COL18A1: variants seen among roughly 807,000 people sequenced by gnomAD.
The protein encoded by COL18A1 is collagen type XVIII alpha 1 chain.
In COL18A1, 133 loss-of-function variants were observed where a neutral mutation model predicts 168.0. The ratio of observed to expected loss-of-function variants is 0.79; its 90% CI spans 0.69 to 0.91. The LOEUF is 0.91. COL18A1 is among the 40% of genes least tolerant of loss of function. COL18A1 has a pLI of 0.00. For synonymous variants in COL18A1, 949 were observed against 809.0 expected (o/e 1.17, Z -2.94); for missense variants, 2,126 against 1,925.4 (o/e 1.10, Z -1.95).
At chr21:45,448,497 A>C (rs549555209) in intron 2 of COL18A1, among the ~76,000 whole-genome samples, 1 of 152,360 alleles carries the variant, frequency 6.6e-6, no homozygotes, top group South Asian at 2.1e-4. Flanking sequence ...CCATGCATGC[A>C]TGTATCCATA....
chr21:45,431,073 CTGGTTT>C (rs150956067), intron 2 of COL18A1, among the ~76,000 whole-genome samples: 14,019 of 152,186 alleles, frequency 0.092, 818 homozygotes, highest in East Asian at 0.23. Flanking sequence ...GGTTTGTTTG[CTGGTTT>C]GAGGCTGGGG....
chr21:45,478,260 T>C lies in COL18A1; in HGVS notation c.1222-67T>C, dbSNP rs2236464. 348,885 of 1,601,622 alleles carry C rather than the reference T, an allele frequency of 0.22. 38,755 individuals carry two copies. The highest frequency in any genetic ancestry group is 0.27 in the South Asian group (24,128 of 90,846). On this transcript the variant is annotated intron_variant, in intron 8 of 41. Coordinates refer to ENST00000651438, the MANE Select transcript of COL18A1 (RefSeq NM_001379500.1). ...ACTTGGAGCGTGGGGTGCATTTCCA[T>C]GTAGACACTGTAGGTGGCGCCGGAG...
chr21:45,492,801 T>C, intron 24 of COL18A1, 88 bp downstream of exon 24: 1 of 1,064,878 alleles, frequency 9.4e-7, no homozygotes, highest in Non-Finnish European at 1.4e-6. Context: ...CGAGCTGGGG[T>C]GGGCCTTGTC....
At chr21:45,497,465 C>G (rs2036581501) in intron 31 of COL18A1, 134 bp from the exon 32 acceptor site, 1 of 1,260,798 alleles carries the variant, frequency 7.9e-7, no homozygotes, top group Admixed American at 2.0e-5. Context: ...AGCTCCTACC[C>G]TGACTGTCCC....
chr21:45,490,234 C>T (rs778623869), intron 19 of COL18A1, 41 bp from the exon 20 acceptor site: 50 of 1,519,012 alleles, frequency 3.3e-5, no homozygotes, highest in Middle Eastern at 1.9e-4. Flanking sequence ...CATTCCTGGG[C>T]GTGTGGCCAA....
intron 2 of COL18A1, chr21:45,420,645 T>TC (rs942565142): frequency 1.3e-5 from 2 of 152,344 alleles, no homozygotes; most frequent in Non-Finnish European, 2.9e-5. Flanking sequence ...TGGCATTTTT[T>TC]CCTGGGCCTG....
At chr21:45,461,621 T>C (rs2035053144) in intron 2 of COL18A1, among the ~76,000 whole-genome samples, 2 of 152,316 alleles carry the variant, frequency 1.3e-5, no homozygotes, top group Non-Finnish European at 1.5e-5. Context: ...TAGCCACATC[T>C]GTGGCACACA....
At chr21:45,442,591 G>A (rs1342042092) in intron 2 of COL18A1, among the ~76,000 whole-genome samples, 1 of 152,244 alleles carries the variant, frequency 6.6e-6, no homozygotes, top group African/African-American at 2.4e-5. Context: ...CCTGGTGTGG[G>A]CGGTGGTGCT....
At chr21:45,481,850 C>T (rs775372514) in intron 13 of COL18A1, 113 bp from the exon 14 acceptor site, 79 of 780,796 alleles carry the variant, frequency 1.0e-4, no homozygotes, top group Non-Finnish European at 1.1e-4. Flanking sequence ...GTCTGGGGAA[C>T]GTTCTGTGTC....
chr21:45,505,017 G>C (rs9980752), intron 34 of COL18A1, 117 bp from the exon 35 acceptor site: 12 of 1,320,468 alleles, frequency 9.1e-6, no homozygotes, highest in East Asian at 2.5e-5. Context: ...GGAGGGGACC[G>C]GTGACTCAGA....
rs113562937 is a variant in COL18A1 at position 45,497,903 on chromosome 21, C to G, written c.2683+242C>G. ...GATAGCCCCATCACCTCCTGAGGAG[C>G]AGATGGCTGCCCTTCCATGCTAGAC... is the stretch of plus-strand genomic sequence containing the variant. On this transcript the variant is annotated intron_variant, in intron 32 of 41. Transcript: ENST00000651438. The G allele has an allele frequency of 6.7e-5, 41 of 612,440 alleles. No homozygotes were observed. The South Asian group carries it at 8.1e-4, about 12-fold the overall frequency. The allele number at this position is 612,440 out of a possible 1,614,324, so 37.9% of individuals were successfully genotyped here.
intron 17 of COL18A1, 27 bp from the exon 18 acceptor site, chr21:45,488,391 A>T (rs751670597): frequency 4.3e-6 from 7 of 1,613,566 alleles, no homozygotes; most frequent in Non-Finnish European, 5.1e-6. Context: ...CAGCTGCACT[A>T]ACACTGTGTC....
chr21:45,405,978 C>G (rs1211471248), intron 2 of COL18A1, among the ~76,000 whole-genome samples: 1 of 152,038 alleles, frequency 6.6e-6, no homozygotes, highest in Admixed American at 6.5e-5. Flanking sequence ...TCTGTCCCCG[C>G]GCCCGCCGTG....
intron 2 of COL18A1, among the ~76,000 whole-genome samples, chr21:45,412,905 C>T (rs915194074): frequency 1.3e-5 from 2 of 152,214 alleles, no homozygotes; most frequent in African/African-American, 4.8e-5. Flanking sequence ...GGTGGGATGC[C>T]GCCTAGTGTG....
rs1333924486 is a variant in COL18A1, at chr21:45,405,360, C to G, written c.12-19C>G. 5.9e-6 allele frequency: 6 copies of G among 1,025,312 alleles called. No individual in the cohort carries two copies. The highest frequency in any genetic ancestry group is 6.9e-6 in the Non-Finnish European group (6 of 874,636). The allele number at this position is 1,025,312 out of a possible 1,614,324, so 63.5% of individuals were successfully genotyped here. Reference sequence around the variant, plus strand: ...TCGCGGGGGTCCTGCGGGGTCTGACCCGTGCCTGTCCCGCGCAGGTGCCCC... The same window carrying G: ...TCGCGGGGGTCCTGCGGGGTCTGACGCGTGCCTGTCCCGCGCAGGTGCCCC... On this transcript the variant is annotated intron_variant, in intron 1 of 41. Coordinates refer to ENST00000651438, the MANE Select transcript of COL18A1 (RefSeq NM_001379500.1).
intron 2 of COL18A1, among the ~76,000 whole-genome samples, chr21:45,444,242 G>A (rs2034456704): frequency 6.6e-6 from 1 of 152,206 alleles, no homozygotes; most frequent in Non-Finnish European, 1.5e-5. Context: ...CGCATCTTCA[G>A]TGCTGCGAGC....
intron 40 of COL18A1, 51 bp downstream of exon 40, chr21:45,510,312 T>G (rs763287468): frequency 6.5e-7 from 1 of 1,539,660 alleles, no homozygotes; most frequent in African/African-American, 1.4e-5. Context: ...CCACTTGACC[T>G]CTGGGGTGAA....
At chr21:45,481,889 G>T (rs1242668398) in intron 13 of COL18A1, 74 bp from the exon 14 acceptor site, 1 of 1,078,010 alleles carries the variant, frequency 9.3e-7, no homozygotes, top group African/African-American at 1.5e-5. Flanking sequence ...CGGAAGCCCA[G>T]ATAACCTGTT....
In COL18A1 at chr21:45,477,791, C is replaced by T. The variant is rs1351445232; in HGVS notation, c.1047C>T (p.Gly349=). Residue 349 remains glycine, a synonymous_variant, in exon 8 of 42, where the codon GGC becomes GGT. Transcript: ENST00000651438. ...KGQKGEPGVP[G]PPGRAGPPGS... is the part of the protein sequence containing the mutation. Reference sequence around the variant, plus strand: ...AGAAAGGGGAGCCAGGTGTTCCGGGCCCACCTGGCCGGGCAGGCCCCCCAG... The same window carrying T: ...AGAAAGGGGAGCCAGGTGTTCCGGGTCCACCTGGCCGGGCAGGCCCCCCAG... 1.3e-6 allele frequency: 2 copies of T among 1,547,712 alleles called. No homozygotes were observed. Among genetic ancestry groups the T allele is most frequent in the East Asian group, 2.4e-5 (1 of 41,022 alleles).
Sources: gnomAD v4.1 joint callset for allele counts (sites outside exome capture counted in the v4.1 genomes callset) on GRCh38, gnomAD v4.1.1 for gene constraint, MANE v1.5 for transcripts, NCBI Gene and HGNC (gene_info 2026-07-23, HGNC 2026-07-21) for gene names.